The following GCH1 variants were observed in gnomAD, a reference collection of about 807,000 sequenced individuals.
GCH1 encodes GTP cyclohydrolase 1.
In GCH1, 5 loss-of-function variants were observed where a neutral mutation model predicts 25.9. The ratio of observed to expected loss-of-function variants is 0.19; its 90% CI spans 0.10 to 0.41. The LOEUF (loss-of-function observed/expected upper bound fraction) is 0.41. Ranked by LOEUF, GCH1 falls within the 10% of genes least tolerant of loss-of-function variation. GCH1 has a pLI of 1.00. For missense variants in GCH1, 261 were observed against 336.5 expected (o/e 0.78, Z 1.75); for synonymous variants, 159 against 129.6 (o/e 1.23, Z -1.54).
Position 54,843,234 on chromosome 14 carries a change from TC to T in GCH1, c.*782del. ...AGTTATTTGCAGTGTGAGTACTAAG[TC>T]TCATAAAATAATGGCTTTTTTAAAA... On this transcript the variant is annotated 3_prime_UTR_variant, in exon 6 of 6. Transcript: ENST00000491895. The T allele has an allele frequency of 7.1e-7, 1 of 1,403,790 alleles. No homozygotes were observed. Among genetic ancestry groups the T allele is most frequent in the Non-Finnish European group, 9.2e-7 (1 of 1,084,980 alleles). The allele number at this position is 1,403,790 out of a possible 1,614,324, so 87.0% of individuals were successfully genotyped here. A position where few individuals can be genotyped will look rare whatever the true frequency, so the allele number is the denominator to read the frequency against.
At chr14:54,865,066 G>C (rs992257118) in intron 2 of GCH1, among the ~76,000 whole-genome samples, 1 of 150,920 alleles carries the variant, frequency 6.6e-6, no homozygotes, top group African/African-American at 2.4e-5. Flanking sequence ...GAGAGAGAGA[G>C]ATGCTACTTA....
chr14:54,897,849 A>G (rs1036240197), intron 1 of GCH1, among the ~76,000 whole-genome samples: 16 of 152,234 alleles, frequency 1.1e-4, no homozygotes, highest in African/African-American at 3.9e-4. Flanking sequence ...TTAACCCATT[A>G]AAAAGTACGG....
Position 54,902,472 on chromosome 14 carries a change from G to T in GCH1, c.192C>A (p.Asn64Lys). Residue 64 changes from asparagine (N) to lysine (K), a missense_variant, in exon 1 of 6, where the codon AAC becomes AAA. Transcript: ENST00000491895. Reference protein sequence around the residue: ...KGERPRSEEDNELNLPNLAAA... With the variant: ...KGERPRSEEDKELNLPNLAAA... ...CTGCCAGGTTAGGGAGGTTCAGCTC[G>T]TTATCCTCCTCGCTGCGGGGCCGCT... is the stretch of plus-strand genomic sequence containing the variant. 6.2e-7 allele frequency: 1 copy of T among 1,612,192 alleles called. No homozygotes were observed. Among genetic ancestry groups the T allele is most frequent in the East Asian group, 2.2e-5 (1 of 44,806 alleles).
intron 1 of GCH1, among the ~76,000 whole-genome samples, chr14:54,872,991 C>T (rs2040103032): frequency 6.6e-6 from 1 of 151,682 alleles, no homozygotes; most frequent in Non-Finnish European, 1.5e-5. Flanking sequence ...CTTAGCTCTG[C>T]ACCAAGCAGA....
intron 1 of GCH1, among the ~76,000 whole-genome samples, chr14:54,883,234 C>T (rs1445863802): frequency 6.6e-6 from 1 of 151,302 alleles, no homozygotes; most frequent in South Asian, 2.1e-4. Context: ...TAGCCGGGCA[C>T]GGTGGCGCGT....
chr14:54,901,026 CAG>C (rs2040559098), intron 1 of GCH1, among the ~76,000 whole-genome samples: 1 of 152,108 alleles, frequency 6.6e-6, no homozygotes, highest in African/African-American at 2.4e-5. Flanking sequence ...AATTTGGAAA[CAG>C]AACTAGAAGT....
intron 1 of GCH1, among the ~76,000 whole-genome samples, chr14:54,900,025 C>T (rs548394026): frequency 1.1e-4 from 17 of 151,800 alleles, no homozygotes; most frequent in African/African-American, 3.4e-4. Context: ...ACACCATGCC[C>T]GGCTAATTTT....
chr14:54,899,935 G>A (rs180916763), intron 1 of GCH1, among the ~76,000 whole-genome samples: 193 of 151,910 alleles, frequency 1.3e-3, no homozygotes, highest in Middle Eastern at 3.4e-3. Flanking sequence ...TGCGATCTCG[G>A]CTCACTGCAA....
At chr14:54,901,761 G>A (rs2040568801) in intron 1 of GCH1, among the ~76,000 whole-genome samples, 2 of 151,796 alleles carry the variant, frequency 1.3e-5, no homozygotes, top group African/African-American at 2.4e-5. Flanking sequence ...GTAAACTTGA[G>A]GTGGACAAAA....
intron 1 of GCH1, among the ~76,000 whole-genome samples, chr14:54,870,039 A>C (rs1268838146): frequency 6.6e-6 from 1 of 152,180 alleles, no homozygotes; most frequent in Non-Finnish European, 1.5e-5. Context: ...AGAGAACTTC[A>C]CTGCAAAAGG....
chr14:54,891,214 T>C (rs2140113336), intron 1 of GCH1, among the ~76,000 whole-genome samples: 1 of 152,262 alleles, frequency 6.6e-6, no homozygotes, highest in Non-Finnish European at 1.5e-5. Flanking sequence ...GCAATTCTCC[T>C]GCCTCAGCCT....
chr14:54,877,123 T>G (rs1040005358), intron 1 of GCH1, among the ~76,000 whole-genome samples: 6 of 152,238 alleles, frequency 3.9e-5, no homozygotes, highest in African/African-American at 1.4e-4. Flanking sequence ...CCTGCTATAT[T>G]TACTTATGTT....
intron 1 of GCH1, among the ~76,000 whole-genome samples, chr14:54,867,589 C>CAA (rs1029899399): frequency 0.023 from 1,043 of 45,922 alleles, 99 homozygotes; most frequent in African/African-American, 0.054. Flanking sequence ...GACTCCGTCT[C>CAA]AAAAAAAAAA....
chr14:54,843,220 G>A lies in GCH1; in HGVS notation c.*797C>T. On this transcript the variant is annotated 3_prime_UTR_variant, in exon 6 of 6. Transcript: ENST00000491895. Reference sequence around the variant, plus strand: ...AAACTGAGCTGACTAGTTATTTGCAGTGTGAGTACTAAGTCTCATAAAATA... The same window carrying A: ...AAACTGAGCTGACTAGTTATTTGCAATGTGAGTACTAAGTCTCATAAAATA... 7.0e-7 allele frequency: 1 copy of A among 1,428,884 alleles called. No individual in the cohort carries two copies. Among genetic ancestry groups the A allele is most frequent in the Non-Finnish European group, 9.1e-7 (1 of 1,096,830 alleles). The allele number at this position is 1,428,884 out of a possible 1,614,324, so 88.5% of individuals were successfully genotyped here.
chr14:54,855,026 A>C lies in GCH1; in HGVS notation c.509+4655T>G, dbSNP rs567525777. On this transcript the variant is annotated intron_variant, in intron 3 of 5. Coordinates refer to ENST00000491895, the MANE Select transcript of GCH1 (RefSeq NM_000161.3). Reference sequence around the variant, plus strand: ...GATTCAAAGCACACAAAGATAATAAAATTTGTTCACCAGGGTACTTTTTTA... The same window carrying C: ...GATTCAAAGCACACAAAGATAATAACATTTGTTCACCAGGGTACTTTTTTA... Among the ~76,000 whole-genome samples, 8 of 152,280 alleles carry C rather than the reference A, an allele frequency of 5.3e-5. No homozygotes were observed. In the East Asian group the frequency reaches 1.4e-3, roughly 26 times the overall value.
rs528198934 is a variant in GCH1, at chr14:54,868,906, T to TTAG, written c.344-3471_344-3470insCTA. ...TGAGCCACCGTACCTGGCCTTATTA[T>TTAG]TATTATTATTATTTTAGAGATGGGA... On this transcript the variant is annotated intron_variant, in intron 1 of 5. Coordinates refer to ENST00000491895, the MANE Select transcript of GCH1 (RefSeq NM_000161.3). Among the ~76,000 whole-genome samples, 498 of 151,392 alleles carry TTAG rather than the reference T, an allele frequency of 3.3e-3. 4 individuals are homozygous for TTAG. Among genetic ancestry groups the TTAG allele is most frequent in the African/African-American group, 0.012 (485 of 41,260 alleles).
chr14:54,858,256 CT>C (rs2039842090), intron 3 of GCH1, among the ~76,000 whole-genome samples: 2 of 152,092 alleles, frequency 1.3e-5, no homozygotes, highest in African/African-American at 4.8e-5. Flanking sequence ...GCACAGTCAA[CT>C]GGTCACAGAG....
chr14:54,896,731 T>C (rs989867956), intron 1 of GCH1, among the ~76,000 whole-genome samples: 1 of 150,026 alleles, frequency 6.7e-6, no homozygotes, highest in Admixed American at 6.7e-5. Flanking sequence ...GCTAACACGG[T>C]GAAACCCCAT....
chr14:54,898,175 T>C (rs1436283644), intron 1 of GCH1, among the ~76,000 whole-genome samples: 2 of 152,108 alleles, frequency 1.3e-5, no homozygotes, highest in Non-Finnish European at 2.9e-5. Context: ...AGCCCAGGAG[T>C]TCGAGACCAG....
Sources: gnomAD v4.1 joint callset for allele counts (sites outside exome capture counted in the v4.1 genomes callset) on GRCh38, gnomAD v4.1.1 for gene constraint, MANE v1.5 for transcripts, NCBI Gene and HGNC (gene_info 2026-07-23, HGNC 2026-07-21) for gene names.